Variants in COPS4 observed in about 807,000 individuals in gnomAD.
COPS4 encodes the protein COP9 signalosome complex subunit 4.
Under a neutral mutation model 55.1 loss-of-function variants are expected in COPS4, and 8 were observed. That is an observed-to-expected ratio of 0.15 (90% CI 0.09 to 0.26). The LOEUF (loss-of-function observed/expected upper bound fraction) is 0.26. Ranked by LOEUF, COPS4 falls within the 10% of genes least tolerant of loss-of-function variation. The probability of loss-of-function intolerance (pLI) is 1.00; values close to 1 mark genes in which losing one functional copy is unlikely to be tolerated. For missense variants in COPS4, 248 were observed against 484.0 expected, an observed-to-expected ratio of 0.51 and a Z score of 4.58; for synonymous variants, 185 against 165.7, an observed-to-expected ratio of 1.12 and a Z score of -0.90.
chr4:83,036,586 T>C (rs972731170), intron 1 of COPS4, among the ~76,000 whole-genome samples: 3 of 152,206 alleles, frequency 2.0e-5, no homozygotes, highest in African/African-American at 7.2e-5. Context: ...GAGGACAAGA[T>C]GAGTATGTGT....
chr4:83,045,498 A>T (rs1023577986), intron 1 of COPS4, 128 bp from the exon 2 acceptor site: 1 of 616,506 alleles, frequency 1.6e-6, no homozygotes, highest in Non-Finnish European at 2.7e-6. Context: ...GGTATACTAT[A>T]AAGAAAACCA....
chr4:83,040,736 A>G (rs569988313), intron 1 of COPS4, among the ~76,000 whole-genome samples: 6 of 112,470 alleles, frequency 5.3e-5, no homozygotes, highest in Admixed American at 8.6e-5. Context: ...TTTTTTTTTC[A>G]TTTCTTTCAG....
At chr4:83,044,330 C>T (rs1200229884) in intron 1 of COPS4, among the ~76,000 whole-genome samples, 5 of 150,328 alleles carry the variant, frequency 3.3e-5, no homozygotes, top group South Asian at 2.1e-4. Flanking sequence ...CTGTAGTCCT[C>T]GCTACTCTGG....
At chr4:83,064,968 G>GCCTC in intron 7 of COPS4, 1 of 333,958 alleles carries the variant, frequency 3.0e-6, no homozygotes, top group East Asian at 1.1e-4. Flanking sequence ...GCTCACTGCA[G>GCCTC]CCTCCACCTC....
At chr4:83,050,848 T>C (rs1289944949) in intron 4 of COPS4, among the ~76,000 whole-genome samples, 2 of 152,064 alleles carry the variant, frequency 1.3e-5, no homozygotes, top group East Asian at 1.9e-4. Flanking sequence ...GGGGGAGCCA[T>C]TGGAGAATTG....
chr4:83,055,063 T>G (rs2868735), intron 4 of COPS4, among the ~76,000 whole-genome samples: 14 of 248 alleles, frequency 0.056, no homozygotes, highest in African/African-American at 0.21. Flanking sequence ...CCTCCCATTC[T>G]CCTTTGCCCC....
chr4:83,075,367 G>A lies in COPS4; in HGVS notation c.1158G>A (p.Glu386=). 1 of 1,614,154 alleles carries A rather than the reference G, an allele frequency of 6.2e-7. No individual in the cohort carries two copies. The highest frequency in any genetic ancestry group is 2.2e-5 in the East Asian group (1 of 44,876). ...GTTTCCAAGTGAATAACCTTTTGGAGAAAATTAGTCAAACAGCACCAGAAT... is the reference window on the plus strand; with the variant it reads ...GTTTCCAAGTGAATAACCTTTTGGAAAAAATTAGTCAAACAGCACCAGAAT... ...SLCFQVNNLL[E]KISQTAPEWT... The change falls in exon 10 of 10, where the codon GAG becomes GAA. Residue 386 remains glutamate, a synonymous_variant. Transcript: ENST00000264389.
intron 6 of COPS4, among the ~76,000 whole-genome samples, chr4:83,062,185 C>A (rs1731176580): frequency 6.6e-6 from 1 of 152,028 alleles, no homozygotes; most frequent in Non-Finnish European, 1.5e-5. Flanking sequence ...AATATTAAGT[C>A]TCCTATCAGA....
chr4:83,038,159 G>A (rs1160855681), intron 1 of COPS4, among the ~76,000 whole-genome samples: 1 of 152,230 alleles, frequency 6.6e-6, no homozygotes, highest in Non-Finnish European at 1.5e-5. Context: ...TTCTAACTCA[G>A]ATTCTGATTC....
chr4:83,052,317 C>T (rs758204590), intron 4 of COPS4, among the ~76,000 whole-genome samples: 2 of 152,072 alleles, frequency 1.3e-5, no homozygotes, highest in African/African-American at 2.4e-5. Flanking sequence ...CAGGAGTAGA[C>T]AAGAGAGGAA....
intron 6 of COPS4, 75 bp downstream of exon 6, chr4:83,057,483 A>G (rs1309241918): frequency 2.4e-6 from 3 of 1,245,644 alleles, no homozygotes. Context: ...ACTGTTGGAA[A>G]ATTTAGCAAG....
chr4:83,042,707 A>G (rs138312078), intron 1 of COPS4, among the ~76,000 whole-genome samples: 232 of 152,026 alleles, frequency 1.5e-3, no homozygotes, highest in African/African-American at 5.3e-3. Flanking sequence ...GGCTCAGGCA[A>G]TCCTCCCCCC....
intron 1 of COPS4, among the ~76,000 whole-genome samples, chr4:83,038,057 T>G (rs1730471011): frequency 6.6e-6 from 1 of 152,214 alleles, no homozygotes; most frequent in Admixed American, 6.5e-5. Flanking sequence ...TTTGTGCATA[T>G]TATGCATTGT....
intron 6 of COPS4, 71 bp downstream of exon 6, chr4:83,057,479 G>A: frequency 3.2e-6 from 4 of 1,269,596 alleles, no homozygotes; most frequent in East Asian, 4.9e-5. Context: ...GGTTACTGTT[G>A]GAAAATTTAG....
chr4:83,041,977 GC>G (rs1304808081), intron 1 of COPS4, among the ~76,000 whole-genome samples: 1 of 151,264 alleles, frequency 6.6e-6, no homozygotes, highest in Non-Finnish European at 1.5e-5. Flanking sequence ...TGATTCTCGT[GC>G]CTCAGCCTCC....
intron 7 of COPS4, among the ~76,000 whole-genome samples, chr4:83,063,462 CA>C (rs5859857): frequency 0.26 from 39,192 of 150,992 alleles, 5,604 homozygotes; most frequent in East Asian, 0.49. Flanking sequence ...TGCAGTGGCA[CA>C]ATGGCGTGAT....
intron 6 of COPS4, among the ~76,000 whole-genome samples, chr4:83,057,826 G>A (rs900330806): frequency 6.6e-6 from 1 of 151,034 alleles, no homozygotes; most frequent in Non-Finnish European, 1.5e-5. Flanking sequence ...GGAGGCTGAG[G>A]CAGGAGAATG....
chr4:83,058,900 A>G (rs1284326484), intron 6 of COPS4, among the ~76,000 whole-genome samples: 1 of 152,222 alleles, frequency 6.6e-6, no homozygotes, highest in Non-Finnish European at 1.5e-5. Flanking sequence ...GCCCTATACT[A>G]TTACACTCCA....
At chr4:83,058,428 A>G (rs1431928366) in intron 6 of COPS4, among the ~76,000 whole-genome samples, 1 of 152,152 alleles carries the variant, frequency 6.6e-6, no homozygotes, top group Non-Finnish European at 1.5e-5. Flanking sequence ...CATATTGCCC[A>G]GTCTGGTCTT....
Sources: allele counts gnomAD v4.1 joint callset (sites outside exome capture counted in the v4.1 genomes callset), GRCh38; gene constraint gnomAD v4.1.1; transcripts MANE v1.5; gene names NCBI Gene and HGNC (gene_info 2026-07-23, HGNC 2026-07-21).